Variants in SATB1 observed in about 807,000 individuals in gnomAD.
The protein encoded by SATB1 is DNA-binding protein SATB1.
In SATB1, 11 loss-of-function variants were observed where a neutral mutation model predicts 86.9. The ratio of observed to expected loss-of-function variants is 0.13; its 90% CI spans 0.08 to 0.21. The LOEUF is 0.21. Among genes scored for constraint, SATB1 ranks in the 10% least tolerant of loss-of-function variants. The pLI, the probability that SATB1 is intolerant of heterozygous loss-of-function variation, is 1.00. For missense variants in SATB1, 551 were observed against 937.6 expected, an observed-to-expected ratio of 0.59 and a Z score of 5.39; for synonymous variants, 357 against 357.2, an observed-to-expected ratio of 1.00 and a Z score of 0.01.
At chr3:18,385,350 C>T (rs1398854330) in intron 8 of SATB1, among the ~76,000 whole-genome samples, 1 of 152,068 alleles carries the variant, frequency 6.6e-6, no homozygotes, top group Non-Finnish European at 1.5e-5. Context: ...CAGCCGGGCG[C>T]GGTGGCTCAG....
chr3:18,369,931 C>T lies in SATB1; in HGVS notation c.1575+8239G>A, dbSNP rs533641438. ...GCCAGCGCCGGTTGTGCAGGTGTGA[C>T]CTTGTGCGTGCCTGCGTGTGTAAAT... On this transcript the variant is annotated intron_variant, in intron 9 of 10. Coordinates refer to ENST00000338745, the MANE Select transcript of SATB1 (RefSeq NM_002971.6). Among the ~76,000 whole-genome samples the T allele has an allele frequency of 6.6e-5, 10 of 152,302 alleles. No individual in the cohort carries two copies. In the South Asian group the frequency reaches 1.0e-3, roughly 16 times the overall value.
chr3:18,366,037 T>C (rs1252457421), intron 9 of SATB1, among the ~76,000 whole-genome samples: 1 of 152,188 alleles, frequency 6.6e-6, no homozygotes, highest in Non-Finnish European at 1.5e-5. Context: ...TTGAAAGTAA[T>C]TTATTTTTAC....
chr3:18,388,862 A>C (rs1457821719), intron 7 of SATB1, among the ~76,000 whole-genome samples: 1 of 152,204 alleles, frequency 6.6e-6, no homozygotes, highest in Non-Finnish European at 1.5e-5. Context: ...GTACTATATC[A>C]CATATTTCTA....
upstream of SATB1, among the ~76,000 whole-genome samples, chr3:18,425,561 G>A (rs1016721848): frequency 6.6e-6 from 1 of 151,534 alleles, no homozygotes; most frequent in Non-Finnish European, 1.5e-5. Flanking sequence ...GTGAGGGAAT[G>A]GGGGGAGCGC....
intron 5 of SATB1, 161 bp downstream of exon 5, chr3:18,414,950 A>T: frequency 1.4e-6 from 1 of 693,930 alleles, no homozygotes; most frequent in Middle Eastern, 3.4e-4. Flanking sequence ...GTTCACAAGG[A>T]ATCAGGCATA....
intron 10 of SATB1, chr3:18,351,570 A>G (rs1694364114): frequency 3.3e-6 from 2 of 601,306 alleles, no homozygotes; most frequent in Admixed American, 6.3e-5. Context: ...TCCAATGTAT[A>G]AAATTGTGAT....
chr3:18,350,824 T>C (rs903968614), intron 10 of SATB1: 4 of 156,500 alleles, frequency 2.6e-5, no homozygotes, highest in African/African-American at 9.7e-5. Flanking sequence ...ACTTTATTAC[T>C]GTTTTTAGTT....
intron 9 of SATB1, among the ~76,000 whole-genome samples, chr3:18,377,182 C>A (rs1479705884): frequency 1.3e-5 from 2 of 152,134 alleles, no homozygotes. Flanking sequence ...AATACTCCCA[C>A]AATTGTGTAT....
chr3:18,409,480 C>A (rs896153121), intron 5 of SATB1: 1 of 151,910 alleles, frequency 6.6e-6, no homozygotes, highest in Non-Finnish European at 1.5e-5. Flanking sequence ...GTTCAAAAGA[C>A]GAGGCAAAAA....
chr3:18,374,867 A>G lies in SATB1; in HGVS notation c.1575+3303T>C, dbSNP rs577277044. ...CATTATGAAACGTTACCATTTGGGT[A>G]TAGTGCTATATAATTTAAAAGCTCT... On this transcript the variant is annotated intron_variant, in intron 9 of 10. Transcript: ENST00000338745. 1.6e-4 allele frequency among the ~76,000 whole-genome samples: 25 copies of G among 152,334 alleles called. 1 individual carries two copies. In the East Asian group the frequency reaches 2.3e-3, roughly 14 times the overall value.
At chr3:18,384,714 A>G (rs1243207547) in intron 8 of SATB1, among the ~76,000 whole-genome samples, 1 of 152,164 alleles carries the variant, frequency 6.6e-6, no homozygotes, top group Non-Finnish European at 1.5e-5. Flanking sequence ...TAGAAGTCAT[A>G]GTTTATCTTT....
chr3:18,361,054 T>A (rs1227033979), intron 9 of SATB1, among the ~76,000 whole-genome samples: 2 of 152,032 alleles, frequency 1.3e-5, no homozygotes, highest in East Asian at 1.9e-4. Flanking sequence ...AGCAGGGGGC[T>A]GGGAAAACAG....
chr3:18,431,008 T>C lies in SATB1; in HGVS notation c.-25+5781A>G, dbSNP rs185017812. On this transcript the variant is annotated intron_variant, in intron 2 of 3. Transcript: ENST00000414509. Reference sequence around the variant, plus strand: ...TTTACTCAGAAACAATACTGTTTCATTGGGAACTTCATTGGAAAAAAATCT... The same window carrying C: ...TTTACTCAGAAACAATACTGTTTCACTGGGAACTTCATTGGAAAAAAATCT... 3.7e-4 allele frequency among the ~76,000 whole-genome samples: 56 copies of C among 152,324 alleles called. No homozygotes were observed. In the East Asian group the frequency reaches 0.01, roughly 28 times the overall value.
intron 9 of SATB1, among the ~76,000 whole-genome samples, chr3:18,354,181 T>G (rs1694518172): frequency 6.6e-6 from 1 of 151,998 alleles, no homozygotes; most frequent in Non-Finnish European, 1.5e-5. Flanking sequence ...CCTGCAGATG[T>G]TTACTTAGCT....
chr3:18,386,938 A>G lies in SATB1; in HGVS notation c.1207-327T>C, dbSNP rs1696375374. Among the ~76,000 whole-genome samples, 1 of 152,224 alleles carries G rather than the reference A, an allele frequency of 6.6e-6. No individual in the cohort carries two copies. The highest frequency in any genetic ancestry group is 2.4e-5 in the African/African-American group (1 of 41,454). Reference sequence around the variant, plus strand: ...ATAAACGAAATCCTTATAATGCAACAGCACTGAACTGTATAGTTCCCAAGC... The same window carrying G: ...ATAAACGAAATCCTTATAATGCAACGGCACTGAACTGTATAGTTCCCAAGC... On this transcript the variant is annotated intron_variant, in intron 7 of 10. Transcript: ENST00000338745. This position sits in a 1 kb window ranked among gnomAD's most constrained non-coding sequence, Gnocchi z 4.5.
At chr3:18,437,775 G>A (rs966953505) in intron 1 of SATB1, among the ~76,000 whole-genome samples, 1 of 152,010 alleles carries the variant, frequency 6.6e-6, no homozygotes, top group Non-Finnish European at 1.5e-5. Flanking sequence ...GTACATCTAA[G>A]TATCATTTCA....
chr3:18,360,622 T>C (rs898102568), intron 9 of SATB1, among the ~76,000 whole-genome samples: 2 of 152,188 alleles, frequency 1.3e-5, no homozygotes, highest in South Asian at 4.1e-4. Flanking sequence ...CATATAGGCA[T>C]TTATCTATGT....
chr3:18,357,015 C>G (rs1269956219), intron 9 of SATB1, among the ~76,000 whole-genome samples: 2 of 151,504 alleles, frequency 1.3e-5, no homozygotes, highest in Non-Finnish European at 3.0e-5. Flanking sequence ...CATTTTAAAA[C>G]TAAGAGCTAT....
At chr3:18,377,295 C>T (rs567446491) in intron 9 of SATB1, among the ~76,000 whole-genome samples, 2 of 152,058 alleles carry the variant, frequency 1.3e-5, no homozygotes, top group Non-Finnish European at 2.9e-5. Context: ...ACCTGGAGTC[C>T]CTATTTGCCT....
Sources: gnomAD v4.1 joint callset for allele counts (sites outside exome capture counted in the v4.1 genomes callset) on GRCh38, gnomAD v4.1.1 for gene constraint, Gnocchi (gnomAD v3.1) non-coding constraint, MANE v1.5 for transcripts, NCBI Gene and HGNC (gene_info 2026-07-23, HGNC 2026-07-21) for gene names.